ZMYM2: variants seen among roughly 807,000 people sequenced by gnomAD.
ZMYM2 encodes zinc finger MYM-type protein 2.
A neutral mutation model predicts 162.8 loss-of-function variants in ZMYM2; 56 were observed. That is an observed-to-expected ratio of 0.34 (90% CI 0.28 to 0.43). The LOEUF is 0.43. Among genes scored for constraint, ZMYM2 ranks in the 20% least tolerant of loss-of-function variants. ZMYM2 has a pLI of 1.00. For synonymous variants in ZMYM2, 510 were observed against 541.6 expected (o/e 0.94, Z 0.81); for missense variants, 1,275 against 1,621.8 (o/e 0.79, Z 3.67).
the ZMYM2 span, among the ~76,000 whole-genome samples, chr13:19,918,491 CTTTCTTT>C: frequency 7.6e-6 from 1 of 132,256 alleles, no homozygotes; most frequent in Non-Finnish European, 1.6e-5. Flanking sequence ...CTTTTTCTTT[CTTTCTTT>C]TTTTTTTTTT....
At chr13:19,998,434 A>G (rs17074814) in intron 3 of ZMYM2, among the ~76,000 whole-genome samples, 1 of 152,328 alleles carries the variant, frequency 6.6e-6, no homozygotes, top group South Asian at 2.1e-4. Flanking sequence ...CAAGCCTACA[A>G]AATAGAACAC....
chr13:19,926,595 C>T, the ZMYM2 span, among the ~76,000 whole-genome samples: 1 of 152,018 alleles, frequency 6.6e-6, no homozygotes, highest in Non-Finnish European at 1.5e-5. Flanking sequence ...AACTCCTGTC[C>T]TCAAGTGATC....
At chr13:19,903,071 G>C in the ZMYM2 span, among the ~76,000 whole-genome samples, 4 of 152,152 alleles carry the variant, frequency 2.6e-5, no homozygotes, top group East Asian at 7.8e-4. Context: ...CAGGATAATT[G>C]ATTGAACCCA....
rs1954955375 is a variant in ZMYM2, at chr13:19,959,628, A to G, written c.-79-330A>G. Among the ~76,000 whole-genome samples the G allele has an allele frequency of 2.0e-5, 3 of 152,192 alleles. No individual in the cohort carries two copies. In the South Asian group the frequency reaches 6.2e-4, roughly 32 times the overall value. On this transcript the variant is annotated intron_variant, in intron 1 of 24. Coordinates refer to ENST00000610343, the MANE Select transcript of ZMYM2 (RefSeq NM_197968.4). ...TGACGGGGATGACGCTGGGTGGGCAAATTTAGGAGGGAATACAAATCCCTT... is the reference window on the plus strand; with the variant it reads ...TGACGGGGATGACGCTGGGTGGGCAGATTTAGGAGGGAATACAAATCCCTT...
At chr13:19,890,567 T>A in the ZMYM2 span, among the ~76,000 whole-genome samples, 1 of 149,558 alleles carries the variant, frequency 6.7e-6, no homozygotes, top group Admixed American at 6.7e-5. Flanking sequence ...AACGATTAGA[T>A]TATTTGTAGA....
At chr13:19,870,999 T>G in the ZMYM2 span, among the ~76,000 whole-genome samples, 6 of 151,758 alleles carry the variant, frequency 4.0e-5, no homozygotes, top group African/African-American at 1.2e-4. Context: ...CAGAGGGGAA[T>G]TGGGCAGTAA....
rs141419093 is a variant in ZMYM2 at position 20,042,725 on chromosome 13, T to TTA, written c.2292+5817_2292+5818insAT. On this transcript the variant is annotated intron_variant, in intron 12 of 24. Coordinates refer to ENST00000610343, the MANE Select transcript of ZMYM2 (RefSeq NM_197968.4). ...TGACCTTTGCTTTTTATTATTATTA[T>TTA]TTTTTTTTATTTTTTTGAGATAGGG... Among the ~76,000 whole-genome samples the TTA allele has an allele frequency of 6.0e-3, 745 of 124,718 alleles. 3 individuals are homozygous for TTA. Among genetic ancestry groups the TTA allele is most frequent in the African/African-American group, 0.014 (376 of 26,182 alleles). 81.8% of individuals were successfully genotyped at this position (124,718 alleles called of 152,430 possible). A position where few individuals can be genotyped will look rare whatever the true frequency, so the allele number is the denominator to read the frequency against.
chr13:19,971,244 G>GTGTGTGTATATATA (rs5802035), intron 2 of ZMYM2, among the ~76,000 whole-genome samples: 1 of 50,136 alleles, frequency 2.0e-5, no homozygotes, highest in Non-Finnish European at 3.9e-5. Flanking sequence ...GTGTGTGTGT[G>GTGTGTGTATATATA]TATATATATA....
chr13:19,955,010 C>G (rs1337761780), upstream of ZMYM2, among the ~76,000 whole-genome samples: 1 of 151,904 alleles, frequency 6.6e-6, no homozygotes, highest in Admixed American at 6.6e-5. Flanking sequence ...TGGGGTTTTA[C>G]CATGTTGGCC....
the ZMYM2 span, among the ~76,000 whole-genome samples, chr13:19,928,045 G>A: frequency 3.3e-5 from 5 of 151,396 alleles, 1 homozygote; most frequent in Admixed American, 3.3e-4. Context: ...TTGCTTTGTT[G>A]GCCAGGCTGG....
Position 20,066,996 on chromosome 13 carries a change from T to C in ZMYM2, c.3278T>C (p.Leu1093Pro), listed in dbSNP as rs996598335. The change falls in exon 20 of 25, where the codon CTG becomes CCG. Residue 1093 changes from leucine (L) to proline (P), a missense_variant. This residue lies in a region of ZMYM2 where 229 missense variants were observed against 283.8 expected (regional missense o/e 0.81). Transcript: ENST00000610343. Reference sequence around the variant, plus strand: ...ACTAGGCAACTTGATGAAGATCTTCTGGTATTAGATGAGTTAAAATCTTGT... The same window carrying C: ...ACTAGGCAACTTGATGAAGATCTTCCGGTATTAGATGAGTTAAAATCTTGT... The part of the protein sequence containing the change: ...VKTRQLDEDL[L>P]VLDELKSSKS... 1.2e-6 allele frequency: 2 copies of C among 1,608,048 alleles called. No homozygotes were observed. The highest frequency in any genetic ancestry group is 1.3e-5 in the African/African-American group (1 of 74,712).
At chr13:19,945,436 G>T in the ZMYM2 span, among the ~76,000 whole-genome samples, 6 of 151,998 alleles carry the variant, frequency 3.9e-5, no homozygotes, top group Non-Finnish European at 7.4e-5. Flanking sequence ...ATTTTTAGTA[G>T]AGACGGGGTT....
At chr13:19,928,095 T>A in the ZMYM2 span, among the ~76,000 whole-genome samples, 3 of 152,264 alleles carry the variant, frequency 2.0e-5, no homozygotes, top group South Asian at 6.2e-4. Flanking sequence ...AGCCTCGACT[T>A]TCCAGGCTCA....
chr13:20,063,879 A>ATTT (rs1956453181), intron 18 of ZMYM2, among the ~76,000 whole-genome samples: 34 of 9,486 alleles, frequency 3.6e-3, no homozygotes, highest in Admixed American at 8.5e-3. Context: ...AAATATATAC[A>ATTT]ATATATAATA....
At position 20,086,184 on chromosome 13, in the gene ZMYM2, T is replaced by C. The variant is rs373462446; in HGVS notation, c.*170T>C. On this transcript the variant is annotated 3_prime_UTR_variant, in exon 25 of 25. Transcript: ENST00000610343. ...AATCTGTGAGTGAAAGTTGCCATTA[T>C]TCTATGTAGTGGTTTTAGGATACTT... 24 of 542,262 alleles carry C rather than the reference T, an allele frequency of 4.4e-5. No homozygotes were observed. The highest frequency in any genetic ancestry group is 4.0e-4 in the African/African-American group (21 of 52,962). The allele number at this position is 542,262 out of a possible 1,614,324, so 33.6% of individuals were successfully genotyped here.
intron 6 of ZMYM2, among the ~76,000 whole-genome samples, chr13:20,013,063 A>G (rs529551303): frequency 1.8e-4 from 27 of 152,324 alleles, no homozygotes; most frequent in African/African-American, 4.3e-4. Context: ...ACATCTTAGC[A>G]ATAGTAAGTT....
the ZMYM2 span, among the ~76,000 whole-genome samples, chr13:19,895,075 T>TC: frequency 0.024 from 304 of 12,462 alleles, 6 homozygotes; most frequent in East Asian, 0.32. Flanking sequence ...AAACTCCATC[T>TC]CAAAAAAAAA....
chr13:20,079,014 TAA>T (rs869287672), intron 21 of ZMYM2, among the ~76,000 whole-genome samples: 2 of 143,990 alleles, frequency 1.4e-5, no homozygotes, highest in Non-Finnish European at 3.1e-5. Flanking sequence ...AATTTATATT[TAA>T]AAAAAAAAAA....
At chr13:19,971,262 A>ATATTTT (rs1329532735) in intron 2 of ZMYM2, among the ~76,000 whole-genome samples, 1 of 78,330 alleles carries the variant, frequency 1.3e-5, no homozygotes, top group African/African-American at 4.6e-5. Flanking sequence ...ATATATATAT[A>ATATTTT]TTTTTTTTTT....
Sources: allele counts gnomAD v4.1 joint callset (sites outside exome capture counted in the v4.1 genomes callset), GRCh38; gene constraint gnomAD v4.1.1; regional missense constraint gnomAD v4.1.1; transcripts MANE v1.5; gene names NCBI Gene and HGNC (gene_info 2026-07-23, HGNC 2026-07-21).